COL25A1: variants seen among roughly 807,000 people sequenced by gnomAD.
COL25A1 encodes the protein collagen type XXV alpha 1 chain.
A neutral mutation model predicts 128.4 loss-of-function variants in COL25A1; 103 were observed. That is an observed-to-expected ratio of 0.80 (90% CI 0.68 to 0.94). COL25A1 has a LOEUF of 0.94. COL25A1 is among the 40% of genes least tolerant of loss of function. The pLI, the probability that COL25A1 is intolerant of heterozygous loss-of-function variation, is 0.00. For missense variants in COL25A1, 745 were observed against 840.0 expected (o/e 0.89, Z 1.40); for synonymous variants, 279 against 277.2 (o/e 1.01, Z -0.06).
chr4:109,195,823 A>G (rs78642581), intron 3 of COL25A1, among the ~76,000 whole-genome samples: 1 of 152,178 alleles, frequency 6.6e-6, no homozygotes, highest in Non-Finnish European at 1.5e-5. Context: ...AAACAAATCC[A>G]TAACAAGAAT....
intron 11 of COL25A1, among the ~76,000 whole-genome samples, chr4:108,935,065 T>A (rs1301029959): frequency 1.3e-5 from 2 of 152,212 alleles, no homozygotes; most frequent in Admixed American, 1.3e-4. Flanking sequence ...CAGACGGACA[T>A]TCATTCATTT....
rs528712076 is a variant in COL25A1 at position 109,254,071 on chromosome 4, T to A, written c.367+46512A>T. On this transcript the variant is annotated intron_variant, in intron 3 of 37. Transcript: ENST00000399132. Reference sequence around the variant, plus strand: ...CACTGCACTCCAGCCTGGGCGACAGTGCGAGACTCCGTCTCAAGAAAAAAA... The same window carrying A: ...CACTGCACTCCAGCCTGGGCGACAGAGCGAGACTCCGTCTCAAGAAAAAAA... Among the ~76,000 whole-genome samples, 38 of 143,718 alleles carry A rather than the reference T, an allele frequency of 2.6e-4. 1 individual carries two copies. In the East Asian group the frequency reaches 5.3e-3, roughly 20 times the overall value. 94.3% of individuals were successfully genotyped at this position (143,718 alleles called of 152,430 possible). A position where few individuals can be genotyped will look rare whatever the true frequency, so the allele number is the denominator to read the frequency against.
At chr4:109,054,479 C>T (rs2125950189) in intron 3 of COL25A1, among the ~76,000 whole-genome samples, 1 of 152,212 alleles carries the variant, frequency 6.6e-6, no homozygotes. Flanking sequence ...GCTTATAAAC[C>T]ATTTCCGTGC....
At position 108,810,701 on chromosome 4, in the gene COL25A1, T is replaced by C. The variant is rs1578421460; in HGVS notation, c.*3226A>G. 1 of 151,942 alleles carries C rather than the reference T, an allele frequency of 6.6e-6. No homozygotes were observed. The highest frequency in any genetic ancestry group is 1.5e-5 in the Non-Finnish European group (1 of 67,854). 9.4% of individuals were successfully genotyped at this position (151,942 alleles called of 1,614,324 possible). A position where few individuals can be genotyped will look rare whatever the true frequency, so the allele number is the denominator to read the frequency against. Reference sequence around the variant, plus strand: ...AGGCATATGATGTATGAAATGAATATGAAATAGGAGGATCCATGATCCGAG... The same window carrying C: ...AGGCATATGATGTATGAAATGAATACGAAATAGGAGGATCCATGATCCGAG... On this transcript the variant is annotated 3_prime_UTR_variant, in exon 38 of 38. Coordinates refer to ENST00000399132, the MANE Select transcript of COL25A1 (RefSeq NM_198721.4).
chr4:108,886,959 A>C (rs1296961970), intron 18 of COL25A1, among the ~76,000 whole-genome samples: 1 of 152,118 alleles, frequency 6.6e-6, no homozygotes, highest in African/African-American at 2.4e-5. Flanking sequence ...TACTCCTCTA[A>C]AATTAAAATA....
At chr4:108,994,879 C>CTGA in intron 6 of COL25A1, among the ~76,000 whole-genome samples, 1 of 152,264 alleles carries the variant, frequency 6.6e-6, no homozygotes, top group South Asian at 2.1e-4. Context: ...GCTGAGGGGC[C>CTGA]TGTTAGAAGG....
intron 3 of COL25A1, among the ~76,000 whole-genome samples, chr4:109,080,864 C>T (rs968929249): frequency 6.6e-6 from 1 of 152,166 alleles, no homozygotes; most frequent in Admixed American, 6.6e-5. Flanking sequence ...TCAGTTGTTG[C>T]AATCAACTCT....
At chr4:109,181,944 C>T (rs1315191460) in intron 3 of COL25A1, among the ~76,000 whole-genome samples, 4 of 151,984 alleles carry the variant, frequency 2.6e-5, no homozygotes, top group Non-Finnish European at 4.4e-5. Context: ...AGTGAGATCA[C>T]AAGGTATTTG....
At chr4:109,079,925 T>C (rs368518315) in intron 3 of COL25A1, among the ~76,000 whole-genome samples, 13 of 152,164 alleles carry the variant, frequency 8.5e-5, no homozygotes, top group African/African-American at 3.1e-4. Context: ...ATTACAAAAG[T>C]AATGGAAACA....
intron 3 of COL25A1, among the ~76,000 whole-genome samples, chr4:109,114,918 A>T (rs1202357517): frequency 5.3e-5 from 8 of 152,090 alleles, no homozygotes; most frequent in Non-Finnish European, 1.2e-4. Context: ...ATAGTAAAGA[A>T]CAGCTTCAAT....
intron 13 of COL25A1, among the ~76,000 whole-genome samples, chr4:108,913,943 T>C (rs929818368): frequency 6.6e-6 from 1 of 152,202 alleles, no homozygotes; most frequent in African/African-American, 2.4e-5. Flanking sequence ...CACACGCGCA[T>C]GGTGGGGGAA....
At chr4:108,842,698 T>C (rs1432960758) in intron 30 of COL25A1, among the ~76,000 whole-genome samples, 1 of 152,244 alleles carries the variant, frequency 6.6e-6, no homozygotes, top group Admixed American at 6.5e-5. Context: ...ATTTTAATAA[T>C]GGCTTAAAAT....
chr4:109,270,877 T>A (rs1425365320), intron 3 of COL25A1, among the ~76,000 whole-genome samples: 6 of 152,226 alleles, frequency 3.9e-5, no homozygotes, highest in Non-Finnish European at 5.9e-5. Context: ...ATAATTACTA[T>A]AACTCACTTA....
At chr4:109,274,207 A>AT (rs1782391937) in intron 3 of COL25A1, among the ~76,000 whole-genome samples, 1 of 140,122 alleles carries the variant, frequency 7.1e-6, no homozygotes, top group East Asian at 2.2e-4. Flanking sequence ...TACATTTTCA[A>AT]TTAAAAAAAT....
intron 3 of COL25A1, among the ~76,000 whole-genome samples, chr4:109,198,113 A>G (rs1185811491): frequency 1.3e-5 from 2 of 152,030 alleles, no homozygotes; most frequent in African/African-American, 4.8e-5. Context: ...TTTTCATTAT[A>G]TCTTACCCCG....
intron 12 of COL25A1, among the ~76,000 whole-genome samples, chr4:108,918,783 A>G (rs529636333): frequency 6.6e-6 from 1 of 152,372 alleles, no homozygotes; most frequent in South Asian, 2.1e-4. Flanking sequence ...AAAATGTTAT[A>G]CACTGACCAG....
At chr4:108,924,295 T>C (rs1037502035) in intron 11 of COL25A1, among the ~76,000 whole-genome samples, 1 of 152,196 alleles carries the variant, frequency 6.6e-6, no homozygotes, top group South Asian at 2.1e-4. Context: ...TGGAAAGTTA[T>C]GCAAAATAAA....
intron 16 of COL25A1, 123 bp from the exon 17 acceptor site, chr4:108,889,856 A>G: frequency 1.4e-6 from 1 of 734,466 alleles, no homozygotes; most frequent in Middle Eastern, 2.4e-4. Context: ...GTGCCTAACT[A>G]CGTTCCAGAA....
At chr4:109,070,804 C>G (rs973233776) in intron 3 of COL25A1, among the ~76,000 whole-genome samples, 1 of 150,910 alleles carries the variant, frequency 6.6e-6, no homozygotes, top group Non-Finnish European at 1.5e-5. Flanking sequence ...TTTGTCCTTG[C>G]GATAGTTTGC....
Sources: gnomAD v4.1 joint callset for allele counts (sites outside exome capture counted in the v4.1 genomes callset) on GRCh38, gnomAD v4.1.1 for gene constraint, MANE v1.5 for transcripts, NCBI Gene and HGNC (gene_info 2026-07-23, HGNC 2026-07-21) for gene names.